Variants in SERPINB8 observed in about 807,000 individuals in gnomAD.
SERPINB8 encodes the protein serpin family B member 8, also known as serpin B8.
SERPINB8 carries 25 observed loss-of-function variants against 35.3 expected under a neutral mutation model. The ratio of observed to expected loss-of-function variants is 0.71; its 90% confidence interval spans 0.52 to 0.99. The LOEUF (loss-of-function observed/expected upper bound fraction) is 0.99, where lower values mean the gene tolerates loss of function less well. SERPINB8 is among the 50% of genes least tolerant of loss of function. The pLI, the probability that SERPINB8 is intolerant of heterozygous loss-of-function variation, is 0.00. For missense variants in SERPINB8, 484 were observed against 446.5 expected (o/e 1.08, Z -0.76); for synonymous variants, 186 against 160.8 (o/e 1.16, Z -1.19).
At chr18:64,006,461 G>A (rs767636880), downstream of SERPINB8, among the ~76,000 whole-genome samples, 19 of 152,114 alleles carry the variant, frequency 1.2e-4, no homozygotes, top group Non-Finnish European at 2.4e-4. Flanking sequence ...CTAACACACC[G>A]AGGAAATGCC....
At chr18:63,979,721 G>T (rs959242668) in intron 2 of SERPINB8, 80 bp from the exon 3 acceptor site, 3 of 1,538,778 alleles carry the variant, frequency 1.9e-6, no homozygotes, top group Admixed American at 1.8e-5. Flanking sequence ...GGTTTTTTTA[G>T]TACAGAGGTT....
chr18:64,010,349 G>A (rs147623533), downstream of SERPINB8, among the ~76,000 whole-genome samples: 512 of 152,226 alleles, frequency 3.4e-3, 1 homozygote, highest in African/African-American at 0.012. Context: ...AAATGATCTC[G>A]CATTACTTAG....
At chr18:64,019,212 C>A (rs2050964561) in exon 8 of SERPINB8, 1 of 152,294 alleles carries the variant, frequency 6.6e-6, no homozygotes, top group South Asian at 2.1e-4. Flanking sequence ...TGAACAGCAC[C>A]ATCATCCAGT....
At chr18:63,993,123 AT>A (rs556471907), downstream of SERPINB8, among the ~76,000 whole-genome samples, 2 of 151,414 alleles carry the variant, frequency 1.3e-5, no homozygotes, top group Admixed American at 6.6e-5. Flanking sequence ...CATTTTGGGT[AT>A]TTTTTTAGTT....
chr18:63,990,802 T>G (rs1050850121), downstream of SERPINB8, among the ~76,000 whole-genome samples: 3 of 152,224 alleles, frequency 2.0e-5, no homozygotes, highest in African/African-American at 7.2e-5. Context: ...GTCCATTTTA[T>G]CATTTTGTTT....
At chr18:63,984,828 G>A (rs1599148594) in intron 5 of SERPINB8, among the ~76,000 whole-genome samples, 1 of 151,942 alleles carries the variant, frequency 6.6e-6, no homozygotes, top group East Asian at 1.9e-4. Flanking sequence ...AGCAAACACA[G>A]CTTCTTCCAA....
chr18:63,971,160 T>TCG (rs1429895606), intron 1 of SERPINB8, among the ~76,000 whole-genome samples: 1 of 152,134 alleles, frequency 6.6e-6, no homozygotes, highest in Non-Finnish European at 1.5e-5. Context: ...AGTCTCCGTT[T>TCG]CGCGCGCGCG....
At chr18:64,014,747 C>G (rs1003345396) in intron 7 of SERPINB8, among the ~76,000 whole-genome samples, 3 of 152,038 alleles carry the variant, frequency 2.0e-5, no homozygotes, top group East Asian at 3.8e-4. Context: ...TTCCTTTGAT[C>G]GAAGATTGTT....
chr18:63,981,001 C>T (rs2050662127), intron 3 of SERPINB8, among the ~76,000 whole-genome samples: 1 of 152,198 alleles, frequency 6.6e-6, no homozygotes, highest in African/African-American at 2.4e-5. Context: ...TTAATCCCCT[C>T]CCTGATACAC....
intron 6 of SERPINB8, chr18:63,986,230 T>G (rs1015502849): frequency 6.2e-7 from 1 of 1,609,484 alleles, no homozygotes; most frequent in African/African-American, 1.3e-5. Context: ...CTTTCTCCCT[T>G]TTTTCTTTCT....
chr18:63,973,418 A>C (rs2050525693), intron 1 of SERPINB8, among the ~76,000 whole-genome samples: 1 of 152,074 alleles, frequency 6.6e-6, no homozygotes, highest in Non-Finnish European at 1.5e-5. Flanking sequence ...TAGATTGCAA[A>C]AATTTTCTCC....
chr18:64,002,000 T>C (rs981724298), intron 1 of SERPINB8, among the ~76,000 whole-genome samples: 1 of 152,162 alleles, frequency 6.6e-6, no homozygotes, highest in Non-Finnish European at 1.5e-5. Flanking sequence ...AGGCCCCTTG[T>C]GACCAACCTG....
chr18:63,978,525 C>G, intron 2 of SERPINB8, 49 bp downstream of exon 2: 1 of 1,593,706 alleles, frequency 6.3e-7, no homozygotes, highest in Non-Finnish European at 8.6e-7. Flanking sequence ...TTCCCTTGTG[C>G]TTCCATACAG....
Position 63,985,139 on chromosome 18 carries a change from T to C in SERPINB8, c.614T>C (p.Met205Thr), listed in dbSNP as rs1213507551. 6.2e-7 allele frequency: 1 copy of C among 1,614,196 alleles called. No homozygotes were observed. Among genetic ancestry groups the C allele is most frequent in the Non-Finnish European group, 8.5e-7 (1 of 1,180,030 alleles). Residue 205 changes from methionine (M) to threonine (T), a missense_variant, in exon 6 of 7, where the codon ATG (methionine) becomes ACG (threonine). Transcript: ENST00000397985. ...QMMFKEAKFK[M>T]GYADEVHTQV... ...ATGTTTAAGGAAGCTAAGTTTAAAA[T>C]GGGGTATGCGGATGAGGTACACACC...
Position 63,978,499 on chromosome 18 carries a change from A to G in SERPINB8, c.168+23A>G, listed in dbSNP as rs764394510. ...CAGGTATGTGTGCTTGTCACAAAGG[A>G]AGGAGAACAGTGTGTTTCCCTTGTG... On this transcript the variant is annotated intron_variant, in intron 2 of 6. Transcript: ENST00000397985. 3.7e-6 allele frequency: 6 copies of G among 1,612,554 alleles called. No homozygotes were observed. In the South Asian group the frequency reaches 6.6e-5, roughly 18 times the overall value.
intron 7 of SERPINB8, among the ~76,000 whole-genome samples, chr18:64,017,152 C>G (rs4940603): frequency 0.6 from 91,044 of 151,892 alleles, 27,531 homozygotes; most frequent in East Asian, 0.69. Flanking sequence ...AAAGTAAATA[C>G]AGTTATATCA....
At chr18:64,011,284 C>T (rs1009943997) in intron 7 of SERPINB8, among the ~76,000 whole-genome samples, 3 of 151,856 alleles carry the variant, frequency 2.0e-5, no homozygotes, top group African/African-American at 7.3e-5. Flanking sequence ...AACAAAAAGA[C>T]ATCAGGTGTC....
chr18:64,019,691 AAGATAAGTGAC>A (rs1197931628), exon 8 of SERPINB8: 1 of 152,024 alleles, frequency 6.6e-6, no homozygotes, highest in Non-Finnish European at 1.5e-5. Context: ...TGAATTAATA[AAGATAAGTGAC>A]AGTGTGATTT....
chr18:63,979,884 CT>C lies in SERPINB8; in HGVS notation c.254del (p.Leu85CysfsTer48). 6.2e-7 allele frequency: 1 copy of C among 1,614,076 alleles called. No homozygotes were observed. The highest frequency in any genetic ancestry group is 8.5e-7 in the Non-Finnish European group (1 of 1,179,964). On this transcript the variant is annotated frameshift_variant, in exon 3 of 7. Coordinates refer to ENST00000397985, the MANE Select transcript of SERPINB8 (RefSeq NM_002640.4). LOFTEE classifies it high-confidence loss of function. The stretch of plus-strand genomic sequence containing the variant: ...AAGTTAACAGAACTGGCACTCAGTA[CT>C]TGCTTAGAACTGCCAACAGACTCTT... ...SEVNRTGTQY[L>X]LRTANRLFGE... is the part of the protein sequence containing the mutation.
Sources: allele counts gnomAD v4.1 joint callset (sites outside exome capture counted in the v4.1 genomes callset), GRCh38; gene constraint gnomAD v4.1.1; transcripts MANE v1.5; gene names NCBI Gene and HGNC (gene_info 2026-07-23, HGNC 2026-07-21).